The following WDR37 variants were observed in gnomAD, a reference collection of about 807,000 sequenced individuals.
The protein encoded by WDR37 is WD repeat domain 37.
A neutral mutation model predicts 62.9 loss-of-function variants in WDR37; 19 were observed. The observed-to-expected ratio is 0.30, with a 90% CI of 0.21 to 0.44. The LOEUF (loss-of-function observed/expected upper bound fraction) is 0.44. WDR37 is among the 20% of genes least tolerant of loss of function. WDR37 has a pLI of 1.00. For synonymous variants in WDR37, 250 were observed against 260.9 expected (o/e 0.96, Z 0.40); for missense variants, 474 against 657.6 (o/e 0.72, Z 3.05).
At chr10:1,108,225 T>G (rs1379020044) in intron 11 of WDR37, among the ~76,000 whole-genome samples, 2 of 152,272 alleles carry the variant, frequency 1.3e-5, no homozygotes, top group Non-Finnish European at 2.9e-5. Context: ...GATACTTTTT[T>G]TAGAGCTAGG....
chr10:1,099,315 C>A (rs1274302809), intron 9 of WDR37, among the ~76,000 whole-genome samples: 1 of 152,246 alleles, frequency 6.6e-6, no homozygotes, highest in Non-Finnish European at 1.5e-5. Context: ...CAGGTGGGAA[C>A]AGTGCCAGGC....
intron 2 of WDR37, among the ~76,000 whole-genome samples, chr10:1,074,945 G>A (rs1256393802): frequency 1.3e-5 from 2 of 152,260 alleles, no homozygotes; most frequent in African/African-American, 2.4e-5. Context: ...GCTGCTTCCC[G>A]CACGTGCGTG....
rs2131661364 is a variant in WDR37 at position 1,103,133 on chromosome 10, A to ATCTCT, written c.727-468_727-467insCTCTT. Among the ~76,000 whole-genome samples, 1 of 152,334 alleles carries ATCTCT rather than the reference A, an allele frequency of 6.6e-6. No homozygotes were observed. The highest frequency in any genetic ancestry group is 1.5e-5 in the Non-Finnish European group (1 of 68,028). On this transcript the variant is annotated intron_variant, in intron 9 of 13. Transcript: ENST00000263150. The surrounding 1 kb of genome is among the most constrained non-coding windows in gnomAD (Gnocchi z 6.3). ...AGGGGGCTTGATGTTACAAAGGAAA[A>ATCTCT]TAGACTCTTATGACTATAGCAATAG...
At chr10:1,092,561 G>C (rs934510963) in intron 7 of WDR37, among the ~76,000 whole-genome samples, 1 of 151,636 alleles carries the variant, frequency 6.6e-6, no homozygotes, top group Non-Finnish European at 1.5e-5. Context: ...TAGTAGAGAC[G>C]GGGTTTCACC....
chr10:1,111,500 G>A lies in WDR37; in HGVS notation c.1103+6233G>A, dbSNP rs577032515. ...TCACTGTAAGAAAGAAAAGTGTAGC[G>A]AAATGGGTCCCCTGAAACGTGTGGT... is the stretch of plus-strand genomic sequence containing the variant. On this transcript the variant is annotated intron_variant, in intron 11 of 13. Coordinates refer to ENST00000263150, the MANE Select transcript of WDR37 (RefSeq NM_014023.4). 4.6e-5 allele frequency among the ~76,000 whole-genome samples: 7 copies of A among 152,302 alleles called. No individual in the cohort carries two copies. In the East Asian group the frequency reaches 9.7e-4, roughly 21 times the overall value.
intron 1 of WDR37, among the ~76,000 whole-genome samples, chr10:1,067,363 ATGTT>A (rs1408679643): frequency 6.6e-6 from 1 of 152,186 alleles, no homozygotes; most frequent in Non-Finnish European, 1.5e-5. Context: ...ACAGGAGAAA[ATGTT>A]TGGCCCCTAG....
In WDR37 at chr10:1,103,150, T is replaced by C. The variant is rs1834882671; in HGVS notation, c.727-452T>C. ...AAAGGAAAATAGACTCTTATGACTA[T>C]AGCAATAGAATTCCAAGTATATTTT... is the stretch of plus-strand genomic sequence containing the variant. On this transcript the variant is annotated intron_variant, in intron 9 of 13. Transcript: ENST00000263150. This position sits in a 1 kb window ranked among gnomAD's most constrained non-coding sequence, Gnocchi z 6.3. Among the ~76,000 whole-genome samples the C allele has an allele frequency of 2.0e-5, 3 of 152,238 alleles. No individual in the cohort carries two copies. Among genetic ancestry groups the C allele is most frequent in the African/African-American group, 7.2e-5 (3 of 41,468 alleles).
intron 2 of WDR37, 67 bp from the exon 3 acceptor site, chr10:1,077,840 A>G: frequency 1.7e-6 from 2 of 1,187,736 alleles, no homozygotes; most frequent in South Asian, 1.4e-5. Context: ...TTCACTTTGG[A>G]AAAAGCATAT....
intron 11 of WDR37, among the ~76,000 whole-genome samples, chr10:1,112,947 C>G (rs1835260641): frequency 6.6e-6 from 1 of 152,236 alleles, no homozygotes; most frequent in Non-Finnish European, 1.5e-5. Flanking sequence ...GAAGATCCAG[C>G]TGGGATCATC....
Position 1,112,217 on chromosome 10 carries a change from C to CA in WDR37, c.1103+6951dup, listed in dbSNP as rs549647835. Among the ~76,000 whole-genome samples the CA allele has an allele frequency of 5.9e-5, 9 of 152,314 alleles. No individual in the cohort carries two copies. In the East Asian group the frequency reaches 1.7e-3, roughly 29 times the overall value. On this transcript the variant is annotated intron_variant, in intron 11 of 13. Coordinates refer to ENST00000263150, the MANE Select transcript of WDR37 (RefSeq NM_014023.4). ...CTCTCTCTCACATTTTGGTCATTCT[C>CA]ACAATACTTCTTACTTTTTCATTGT...
intron 1 of WDR37, among the ~76,000 whole-genome samples, chr10:1,069,389 A>ATAT: frequency 6.3e-5 from 6 of 95,780 alleles, no homozygotes; most frequent in African/African-American, 2.8e-4. Context: ...ATATATATAT[A>ATAT]TTTTTTTTTT....
At chr10:1,069,385 ATATATTT>A (rs1311685547) in intron 1 of WDR37, among the ~76,000 whole-genome samples, 1 of 28,472 alleles carries the variant, frequency 3.5e-5, no homozygotes, top group Non-Finnish European at 6.9e-5. Context: ...ATATATATAT[ATATATTT>A]TTTTTTTTTT....
intron 1 of WDR37, among the ~76,000 whole-genome samples, chr10:1,058,756 T>C (rs1161070535): frequency 6.6e-6 from 1 of 152,224 alleles, no homozygotes; most frequent in Non-Finnish European, 1.5e-5. Context: ...TCCTCGATAT[T>C]GCTCAGAAGT....
chr10:1,079,628 G>A (rs192682347), intron 3 of WDR37, among the ~76,000 whole-genome samples: 428 of 151,188 alleles, frequency 2.8e-3, no homozygotes, highest in African/African-American at 9.5e-3. Flanking sequence ...TCTGCCTCCC[G>A]GGTTCAAGCA....
intron 1 of WDR37, among the ~76,000 whole-genome samples, chr10:1,057,623 G>C (rs1320468554): frequency 6.6e-6 from 1 of 152,190 alleles, no homozygotes; most frequent in Non-Finnish European, 1.5e-5. Flanking sequence ...TAAGACAGCT[G>C]TTCACCGGAA....
At chr10:1,098,619 C>T (rs1299071009) in intron 9 of WDR37, among the ~76,000 whole-genome samples, 3 of 152,206 alleles carry the variant, frequency 2.0e-5, no homozygotes, top group African/African-American at 7.2e-5. Flanking sequence ...GCCACCGTGC[C>T]CAGCCTCTCT....
At chr10:1,060,051 C>CT (rs2131600225) in intron 1 of WDR37, among the ~76,000 whole-genome samples, 1 of 152,256 alleles carries the variant, frequency 6.6e-6, no homozygotes, top group East Asian at 1.9e-4. Flanking sequence ...GTTGGCCAGG[C>CT]TGGTCTTAAA....
intron 9 of WDR37, among the ~76,000 whole-genome samples, chr10:1,098,299 C>G (rs1834663563): frequency 6.7e-6 from 1 of 149,816 alleles, no homozygotes; most frequent in African/African-American, 2.5e-5. Flanking sequence ...TGTGCACGCT[C>G]TCTTTCTACC....
intron 11 of WDR37, among the ~76,000 whole-genome samples, chr10:1,108,739 G>GACCC (rs1835105576): frequency 8.9e-6 from 1 of 111,870 alleles, no homozygotes; most frequent in Non-Finnish European, 1.8e-5. Context: ...CTTCTGTGAT[G>GACCC]CCCCCCCCCC....
Sources: allele counts gnomAD v4.1 joint callset (sites outside exome capture counted in the v4.1 genomes callset), GRCh38; gene constraint gnomAD v4.1.1; non-coding constraint Gnocchi (gnomAD v3.1); transcripts MANE v1.5; gene names NCBI Gene and HGNC (gene_info 2026-07-23, HGNC 2026-07-21).